Variants in PCDH11X observed in about 807,000 individuals in gnomAD.
The protein encoded by PCDH11X is protocadherin-11 X-linked.
Under a neutral mutation model 53.3 loss-of-function variants are expected in PCDH11X, and 18 were observed. The observed-to-expected ratio is 0.34, with a 90% CI of 0.23 to 0.50. The LOEUF is 0.50. Ranked by LOEUF, PCDH11X falls within the 20% of genes least tolerant of loss-of-function variation. The pLI, the probability that PCDH11X is intolerant of heterozygous loss-of-function variation, is 0.98. For missense variants in PCDH11X, 570 were observed against 1,032.4 expected (o/e 0.55, Z 6.14); for synonymous variants, 279 against 393.3 (o/e 0.71, Z 3.44).
chrX:91,806,978 C>CT (rs1375495676), intron 1 of PCDH11X, among the ~76,000 whole-genome samples: 1 of 111,251 alleles, frequency 9.0e-6, no homozygotes, highest in Non-Finnish European at 1.9e-5. Context: ...AAATAAAACT[C>CT]TAAGTTGAAC....
At chrX:92,481,039 G>A (rs1431573317) in intron 10 of PCDH11X, among the ~76,000 whole-genome samples, 1 of 110,751 alleles carries the variant, frequency 9.0e-6, no homozygotes, top group East Asian at 2.9e-4. Context: ...ACGCTGTCAG[G>A]TGCAGGTCTT....
chrX:92,019,905 C>T (rs2062856198), intron 6 of PCDH11X, among the ~76,000 whole-genome samples: 1 of 111,474 alleles, frequency 9.0e-6, no homozygotes, highest in African/African-American at 3.3e-5. Context: ...CGGCAGCTGG[C>T]GTGGTCCATG....
chrX:92,566,179 C>T (rs1921454089), intron 10 of PCDH11X, among the ~76,000 whole-genome samples: 1 of 108,839 alleles, frequency 9.2e-6, no homozygotes, highest in South Asian at 4.0e-4. Context: ...GAAATCCAAA[C>T]GAATCCACCA....
intron 6 of PCDH11X, among the ~76,000 whole-genome samples, chrX:92,101,106 A>G (rs890733085): frequency 2.7e-5 from 3 of 111,984 alleles, no homozygotes; most frequent in African/African-American, 9.8e-5. Context: ...AGTTAAGAGT[A>G]GCGGTTTGGG....
chrX:92,299,946 C>A (rs755124683), intron 8 of PCDH11X, among the ~76,000 whole-genome samples: 100 of 104,707 alleles, frequency 9.6e-4, no homozygotes, highest in Non-Finnish European at 1.7e-3. Context: ...GTGTTTAGTG[C>A]TATAAACTTC....
chrX:92,141,568 C>T (rs1003720920), intron 6 of PCDH11X, among the ~76,000 whole-genome samples: 10 of 111,831 alleles, frequency 8.9e-5, no homozygotes, highest in Admixed American at 1.9e-4. Context: ...AGATACTTGA[C>T]GAAACAGAAA....
intron 9 of PCDH11X, among the ~76,000 whole-genome samples, chrX:92,400,366 A>G (rs1471892936): frequency 1.8e-5 from 2 of 110,901 alleles, no homozygotes; most frequent in Non-Finnish European, 3.8e-5. Flanking sequence ...AACAATTATC[A>G]GACTGGGAAA....
At chrX:92,412,532 T>G (rs867329819) in intron 9 of PCDH11X, among the ~76,000 whole-genome samples, 926 of 87,137 alleles carry the variant, frequency 0.011, 13 homozygotes, top group African/African-American at 0.025. Context: ...TATATATATA[T>G]ATATATATAT....
chrX:92,205,452 C>T (rs2066458511), intron 7 of PCDH11X, among the ~76,000 whole-genome samples: 1 of 111,120 alleles, frequency 9.0e-6, no homozygotes, highest in East Asian at 2.8e-4. Flanking sequence ...AAGAAAAGCA[C>T]ACAATTTCAA....
At chrX:92,575,195 G>A (rs1461670532) in intron 10 of PCDH11X, among the ~76,000 whole-genome samples, 4 of 109,919 alleles carry the variant, frequency 3.6e-5, no homozygotes, top group Non-Finnish European at 7.6e-5. Flanking sequence ...AGTACATTAT[G>A]TATGTAAATA....
chrX:91,969,795 C>CAAA lies in PCDH11X; in HGVS notation c.3033+90535_3033+90537dup, dbSNP rs535187943. On this transcript the variant is annotated intron_variant, in intron 6 of 10. Coordinates refer to ENST00000682573, the MANE Select transcript of PCDH11X (RefSeq NM_032968.5). ...CTGGGTGACTGAGTCGCCCTTGTCT[C>CAAA]AAAAAAAAAAAAAAAGGAAAAAAGA... Among the ~76,000 whole-genome samples, 190 of 72,491 alleles carry CAAA rather than the reference C, an allele frequency of 2.6e-3. 2 individuals carry two copies. In the East Asian group the frequency reaches 0.05, roughly 19 times the overall value. 62.9% of individuals were successfully genotyped at this position (72,491 alleles called of 115,157 possible). A position where few individuals can be genotyped will look rare whatever the true frequency, so the allele number is the denominator to read the frequency against.
intron 9 of PCDH11X, among the ~76,000 whole-genome samples, chrX:92,424,675 A>G (rs929815043): frequency 4.1e-5 from 4 of 97,644 alleles, no homozygotes; most frequent in African/African-American, 1.3e-4. Context: ...GGGAGCTTAC[A>G]TTATGGACAA....
intron 8 of PCDH11X, 151 bp from the exon 9 acceptor site, chrX:92,387,584 G>A: frequency 9.8e-7 from 1 of 1,022,074 alleles, no homozygotes; most frequent in East Asian, 3.3e-5. Context: ...ACAGAATTGT[G>A]TTATTCACAA....
intron 6 of PCDH11X, among the ~76,000 whole-genome samples, chrX:91,967,366 A>T (rs1019042644): frequency 3.6e-5 from 4 of 110,968 alleles, no homozygotes; most frequent in Admixed American, 2.9e-4. Context: ...TACCGCCTGA[A>T]CTTCACCTCC....
At chrX:92,411,957 G>A (rs2071672817) in intron 9 of PCDH11X, among the ~76,000 whole-genome samples, 1 of 28,776 alleles carries the variant, frequency 3.5e-5, no homozygotes, top group Non-Finnish European at 7.9e-5. Context: ...AGGAGTGGGA[G>A]GAGGAGGAGG....
At chrX:92,525,639 A>G (rs2074438916) in intron 10 of PCDH11X, among the ~76,000 whole-genome samples, 1 of 107,535 alleles carries the variant, frequency 9.3e-6, no homozygotes, top group Non-Finnish European at 1.9e-5. Flanking sequence ...CTCAAAAAAA[A>G]AAAAAAAAAA....
chrX:92,400,210 C>T (rs1332970256), intron 9 of PCDH11X, among the ~76,000 whole-genome samples: 1 of 111,501 alleles, frequency 9.0e-6, no homozygotes, highest in African/African-American at 3.3e-5. Context: ...GCAGATAGGG[C>T]ATTAGCAAAG....
At chrX:91,929,771 A>C (rs1444075790) in intron 6 of PCDH11X, among the ~76,000 whole-genome samples, 1 of 111,638 alleles carries the variant, frequency 9.0e-6, no homozygotes, top group African/African-American at 3.2e-5. Context: ...TTAAGAAAAA[A>C]TATGCAGTAA....
At chrX:92,080,725 G>A (rs1365222467) in intron 6 of PCDH11X, among the ~76,000 whole-genome samples, 1 of 110,231 alleles carries the variant, frequency 9.1e-6, no homozygotes, top group Admixed American at 9.8e-5. Flanking sequence ...TGTGGCACAG[G>A]AGCCATCATA....
Sources: gnomAD v4.1 joint callset for allele counts (sites outside exome capture counted in the v4.1 genomes callset) on GRCh38, gnomAD v4.1.1 for gene constraint, MANE v1.5 for transcripts, NCBI Gene and HGNC (gene_info 2026-07-23, HGNC 2026-07-21) for gene names.